Variants in RFX3 observed in about 807,000 individuals in gnomAD.
RFX3 encodes transcription factor RFX3.
RFX3 carries 14 observed loss-of-function variants against 98.6 expected under a neutral mutation model. That is an observed-to-expected ratio of 0.14 (90% CI 0.09 to 0.22). The LOEUF is 0.22. Ranked by LOEUF, RFX3 falls within the 10% of genes least tolerant of loss-of-function variation. The pLI, the probability that RFX3 is intolerant of heterozygous loss-of-function variation, is 1.00. For missense variants in RFX3, 639 were observed against 926.9 expected, an observed-to-expected ratio of 0.69 and a Z score of 4.03; for synonymous variants, 383 against 328.4, an observed-to-expected ratio of 1.17 and a Z score of -1.80.
Position 3,253,981 on chromosome 9 carries a change from G to A in RFX3, c.1814+3010C>T, listed in dbSNP as rs181796045. On this transcript the variant is annotated intron_variant, in intron 14 of 16. Coordinates refer to ENST00000617270, the MANE Select transcript of RFX3 (RefSeq NM_001282116.2). ...CTATTGACTTTGCCTACCAGCAGGA[G>A]GTATGCATCTGTCTGAATGTGCCTT... 5.5e-4 allele frequency among the ~76,000 whole-genome samples: 84 copies of A among 152,280 alleles called. 1 individual carries two copies. Among genetic ancestry groups the A allele is most frequent in the African/African-American group, 1.9e-3 (81 of 41,570 alleles).
At chr9:3,302,367 TTAAG>T (rs1434813692) in intron 4 of RFX3, among the ~76,000 whole-genome samples, 1 of 151,798 alleles carries the variant, frequency 6.6e-6, no homozygotes, top group Non-Finnish European at 1.5e-5. Flanking sequence ...CGATTATTAA[TTAAG>T]TACCAGGTGT....
intron 1 of RFX3, among the ~76,000 whole-genome samples, chr9:3,426,682 A>T (rs1464758471): frequency 6.6e-6 from 1 of 152,188 alleles, no homozygotes; most frequent in Non-Finnish European, 1.5e-5. Context: ...TGCCCATGCG[A>T]GGGATCTAGG....
chr9:3,382,676 A>C (rs11998954), intron 2 of RFX3, among the ~76,000 whole-genome samples: 4,107 of 152,250 alleles, frequency 0.027, 191 homozygotes, highest in African/African-American at 0.095. Flanking sequence ...ACCTGTTTTA[A>C]AAATAGTCCT....
intron 15 of RFX3, among the ~76,000 whole-genome samples, chr9:3,242,340 C>A (rs1394442828): frequency 1.3e-5 from 2 of 151,346 alleles, no homozygotes; most frequent in Non-Finnish European, 2.9e-5. Context: ...CTCTAAATAA[C>A]AATCAACAGT....
At chr9:3,501,270 G>A (rs956993183) in intron 1 of RFX3, among the ~76,000 whole-genome samples, 11 of 152,002 alleles carry the variant, frequency 7.2e-5, no homozygotes, top group Non-Finnish European at 1.6e-4. Context: ...TTGCCAAATA[G>A]AACAGATTTT....
chr9:3,313,356 C>G (rs1037989360), intron 4 of RFX3, among the ~76,000 whole-genome samples: 2 of 152,150 alleles, frequency 1.3e-5, no homozygotes, highest in African/African-American at 4.8e-5. Context: ...CACCAAAACT[C>G]CATCTGTAAG....
At chr9:3,482,469 C>A (rs1028430859) in intron 1 of RFX3, among the ~76,000 whole-genome samples, 1 of 152,100 alleles carries the variant, frequency 6.6e-6, no homozygotes, top group Non-Finnish European at 1.5e-5. Flanking sequence ...GAATGCTTCC[C>A]ATTAAGCATA....
At chr9:3,524,575 A>G (rs894613306) in intron 1 of RFX3, 2 of 976,656 alleles carry the variant, frequency 2.0e-6, no homozygotes, top group Admixed American at 6.2e-5. Flanking sequence ...AAAAACTCTT[A>G]AAGTACCATA....
intron 1 of RFX3, among the ~76,000 whole-genome samples, chr9:3,470,408 G>A (rs1375588347): frequency 2.0e-5 from 3 of 151,006 alleles, no homozygotes; most frequent in Non-Finnish European, 4.4e-5. Context: ...TCCGCCTACC[G>A]GGTTCACGCC....
chr9:3,307,931 CT>C (rs1475928242), intron 4 of RFX3, among the ~76,000 whole-genome samples: 4 of 151,876 alleles, frequency 2.6e-5, no homozygotes, highest in Non-Finnish European at 5.9e-5. Context: ...CTTCTTCTGC[CT>C]TTTTTTACTT....
intron 13 of RFX3, among the ~76,000 whole-genome samples, chr9:3,260,497 A>C (rs1822736414): frequency 6.6e-6 from 1 of 151,914 alleles, no homozygotes; most frequent in African/African-American, 2.4e-5. Flanking sequence ...GAACACTGAA[A>C]AACTTTTTCG....
At chr9:3,356,027 G>C (rs148085667) in intron 2 of RFX3, among the ~76,000 whole-genome samples, 71 of 151,688 alleles carry the variant, frequency 4.7e-4, no homozygotes, top group African/African-American at 1.6e-3. Context: ...TCAGAGTGCA[G>C]CCAGAGCCTC....
At chr9:3,312,099 T>C (rs1437984367) in intron 4 of RFX3, among the ~76,000 whole-genome samples, 2 of 151,896 alleles carry the variant, frequency 1.3e-5, no homozygotes, top group Non-Finnish European at 2.9e-5. Context: ...CTGAATAGAG[T>C]AGAAAATAAC....
At chr9:3,251,589 T>G (rs1016659084) in intron 14 of RFX3, among the ~76,000 whole-genome samples, 2 of 151,840 alleles carry the variant, frequency 1.3e-5, no homozygotes, top group African/African-American at 4.8e-5. Context: ...TGCCTCAGCC[T>G]CCCCCAAATA....
chr9:3,384,555 C>A (rs542880602), intron 2 of RFX3, among the ~76,000 whole-genome samples: 103 of 152,226 alleles, frequency 6.8e-4, no homozygotes, highest in South Asian at 1.2e-3. Context: ...AAATAATGAG[C>A]CATGCATTAA....
chr9:3,325,529 G>A (rs1250049750), intron 4 of RFX3, among the ~76,000 whole-genome samples: 1 of 151,944 alleles, frequency 6.6e-6, no homozygotes, highest in East Asian at 1.9e-4. Context: ...TATACATAAA[G>A]GTGTAAAAAT....
chr9:3,357,612 G>A (rs574228947), intron 2 of RFX3, among the ~76,000 whole-genome samples: 1 of 151,976 alleles, frequency 6.6e-6, no homozygotes, highest in African/African-American at 2.4e-5. Flanking sequence ...AAGGGAGGAT[G>A]AAGAGAAGTT....
intron 2 of RFX3, among the ~76,000 whole-genome samples, chr9:3,391,957 G>C (rs891151441): frequency 6.6e-6 from 1 of 151,976 alleles, no homozygotes; most frequent in East Asian, 1.9e-4. Context: ...AATTAAATTC[G>C]TGCAATAAAT....
At chr9:3,427,230 A>G (rs1844140524) in intron 1 of RFX3, among the ~76,000 whole-genome samples, 1 of 145,064 alleles carries the variant, frequency 6.9e-6, no homozygotes, top group African/African-American at 2.5e-5. Flanking sequence ...ATAATACAAT[A>G]TAATATATAA....
Sources: gnomAD v4.1 joint callset for allele counts (sites outside exome capture counted in the v4.1 genomes callset) on GRCh38, gnomAD v4.1.1 for gene constraint, MANE v1.5 for transcripts, NCBI Gene and HGNC (gene_info 2026-07-23, HGNC 2026-07-21) for gene names.